Variants in SNX6 observed in about 807,000 individuals in gnomAD.
SNX6 encodes sorting nexin 6, also known as sorting nexin-6.
SNX6 carries 34 observed loss-of-function variants against 63.0 expected under a neutral mutation model. The ratio of observed to expected loss-of-function variants is 0.54; its 90% CI spans 0.41 to 0.72. The LOEUF (loss-of-function observed/expected upper bound fraction) is 0.72, where lower values mean the gene tolerates loss of function less well. SNX6 is among the 30% of genes least tolerant of loss of function. The pLI is 0.00. For missense variants in SNX6, 398 were observed against 471.4 expected (o/e 0.84, Z 1.44); for synonymous variants, 170 against 164.2 (o/e 1.04, Z -0.27).
chr14:34,614,773 G>C (rs1883357491), intron 2 of SNX6, among the ~76,000 whole-genome samples: 1 of 152,078 alleles, frequency 6.6e-6, no homozygotes, highest in Non-Finnish European at 1.5e-5. Flanking sequence ...AAATTAGCTG[G>C]GCATGGTGGC....
chr14:34,626,064 G>T (rs911225059), intron 2 of SNX6, among the ~76,000 whole-genome samples: 7 of 152,028 alleles, frequency 4.6e-5, no homozygotes, highest in Non-Finnish European at 5.9e-5. Flanking sequence ...TTAGAAAAAG[G>T]GGGATACTAA....
At chr14:34,623,427 T>C (rs1883702377) in intron 2 of SNX6, among the ~76,000 whole-genome samples, 1 of 152,004 alleles carries the variant, frequency 6.6e-6, no homozygotes, top group Non-Finnish European at 1.5e-5. Context: ...GCCTAAGGAG[T>C]TTGGACCTTA....
At chr14:34,579,602 G>A (rs189005376) in intron 10 of SNX6, among the ~76,000 whole-genome samples, 361 of 152,064 alleles carry the variant, frequency 2.4e-3, no homozygotes, top group African/African-American at 7.3e-3. Flanking sequence ...GTGAGACCCC[G>A]TCTCTAAAAC....
At chr14:34,583,329 T>G (rs1594710144) in intron 9 of SNX6, among the ~76,000 whole-genome samples, 1 of 152,026 alleles carries the variant, frequency 6.6e-6, no homozygotes, top group African/African-American at 2.4e-5. Flanking sequence ...ACAAAAAAAA[T>G]AGTCTGGTGC....
intron 6 of SNX6, among the ~76,000 whole-genome samples, chr14:34,598,393 GA>G (rs1270920108): frequency 1.2e-4 from 18 of 152,190 alleles, no homozygotes; most frequent in Middle Eastern, 3.4e-3. Context: ...TTCACAGGAT[GA>G]AAAAAATTTT....
intron 11 of SNX6, among the ~76,000 whole-genome samples, chr14:34,574,888 T>A (rs1305011952): frequency 1.3e-5 from 2 of 151,874 alleles, no homozygotes; most frequent in Non-Finnish European, 2.9e-5. Flanking sequence ...TCTTTGTTTT[T>A]ATTTATTATT....
At chr14:34,604,282 A>G in intron 5 of SNX6, 1 of 1,256,842 alleles carries the variant, frequency 8.0e-7, no homozygotes, top group Non-Finnish European at 1.0e-6. Context: ...ACCAGACCAC[A>G]AAAGAATCAT....
intron 8 of SNX6, among the ~76,000 whole-genome samples, chr14:34,591,889 A>G (rs1020105694): frequency 1.3e-5 from 2 of 152,210 alleles, no homozygotes; most frequent in Non-Finnish European, 2.9e-5. Context: ...GTGTTCTACG[A>G]AAAAATTAGC....
At chr14:34,576,452 A>T (rs1162046161) in intron 10 of SNX6, among the ~76,000 whole-genome samples, 188 of 63,202 alleles carry the variant, frequency 3.0e-3, no homozygotes, top group East Asian at 0.011. Context: ...ATATATATAT[A>T]TTTTTTTTTT....
At chr14:34,617,394 C>T (rs116379316) in intron 2 of SNX6, among the ~76,000 whole-genome samples, 4,409 of 152,044 alleles carry the variant, frequency 0.029, 183 homozygotes, top group African/African-American at 0.095. Flanking sequence ...AATACCAGTA[C>T]GTTGGGAGGC....
chr14:34,581,643 A>T (rs1330672376), intron 9 of SNX6, 43 bp from the exon 10 acceptor site: 1 of 1,240,804 alleles, frequency 8.1e-7, no homozygotes, highest in African/African-American at 1.5e-5. Flanking sequence ...ATTCAAAGTA[A>T]TTTTCCATTT....
At position 34,610,404 on chromosome 14, in the gene SNX6, T is replaced by C. The variant is rs554493556; in HGVS notation, c.55-662A>G. On this transcript the variant is annotated intron_variant, in intron 2 of 13. Transcript: ENST00000362031. Reference sequence around the variant, plus strand: ...TCCAAAAAAAAAAACAAAACCCTATTTTCCAAGAAAGTGGTCCATCTAAGT... The same window carrying C: ...TCCAAAAAAAAAAACAAAACCCTATCTTCCAAGAAAGTGGTCCATCTAAGT... Among the ~76,000 whole-genome samples, 3 of 151,616 alleles carry C rather than the reference T, an allele frequency of 2.0e-5. No homozygotes were observed. The East Asian group carries it at 5.8e-4, about 29-fold the overall frequency.
At chr14:34,581,476 T>A in intron 10 of SNX6, 85 bp downstream of exon 10, 1 of 794,060 alleles carries the variant, frequency 1.3e-6, no homozygotes, top group South Asian at 2.2e-5. Flanking sequence ...TTTAAAAAAA[T>A]TTTCTGAATT....
At chr14:34,599,631 G>A (rs61259629) in intron 6 of SNX6, among the ~76,000 whole-genome samples, 3,273 of 151,312 alleles carry the variant, frequency 0.022, 112 homozygotes, top group African/African-American at 0.071. Flanking sequence ...AAAATTAGCC[G>A]GGCATGGTGA....
intron 2 of SNX6, chr14:34,629,687 G>T: frequency 1.3e-6 from 1 of 770,086 alleles, no homozygotes; most frequent in South Asian, 1.5e-5. Flanking sequence ...AGCGGCGGGG[G>T]ACAAGAAAGC....
chr14:34,568,762 T>A, intron 11 of SNX6: 1 of 900,690 alleles, frequency 1.1e-6, no homozygotes, highest in Non-Finnish European at 1.9e-6. Context: ...ACGTGTCAGT[T>A]TGCGGCCCCC....
intron 11 of SNX6, among the ~76,000 whole-genome samples, chr14:34,570,391 G>A (rs1881392347): frequency 6.8e-6 from 1 of 146,672 alleles, no homozygotes; most frequent in Non-Finnish European, 1.5e-5. Flanking sequence ...TTTTTTAAAT[G>A]AAGGCCACCT....
intron 13 of SNX6, among the ~76,000 whole-genome samples, chr14:34,564,253 CCT>C (rs1412778091): frequency 1.3e-5 from 2 of 152,070 alleles, no homozygotes; most frequent in African/African-American, 4.8e-5. Flanking sequence ...GTCTTGAACC[CCT>C]GACCTCAGGT....
At chr14:34,624,745 A>C (rs935617757) in intron 2 of SNX6, among the ~76,000 whole-genome samples, 1 of 151,878 alleles carries the variant, frequency 6.6e-6, no homozygotes, top group Non-Finnish European at 1.5e-5. Context: ...GCAGTGAGTC[A>C]AGGTCGCACC....
Sources: allele counts gnomAD v4.1 joint callset (sites outside exome capture counted in the v4.1 genomes callset), GRCh38; gene constraint gnomAD v4.1.1; transcripts MANE v1.5; gene names NCBI Gene and HGNC (gene_info 2026-07-23, HGNC 2026-07-21).